The following PI4KA variants were observed in gnomAD, a reference collection of about 807,000 sequenced individuals.
PI4KA encodes PI4-kinase alpha.
Under a neutral mutation model 271.4 loss-of-function variants are expected in PI4KA, and 122 were observed. That is an observed-to-expected ratio of 0.45 (90% CI 0.39 to 0.52). The LOEUF (loss-of-function observed/expected upper bound fraction) is 0.52. PI4KA is among the 20% of genes least tolerant of loss of function. PI4KA has a pLI of 0.00. For missense variants in PI4KA, 1,969 were observed against 2,769.1 expected, an observed-to-expected ratio of 0.71 and a Z score of 6.48; for synonymous variants, 1,041 against 1,078.8, an observed-to-expected ratio of 0.96 and a Z score of 0.69.
chr22:20,834,411 A>C (rs943954106), intron 3 of PI4KA, 151 bp downstream of exon 3: 2 of 655,378 alleles, frequency 3.1e-6, no homozygotes, highest in South Asian at 1.9e-5. Context: ...CATGGATGTA[A>C]GCTCAGCCCA....
At position 20,804,375 on chromosome 22, in the gene PI4KA, T is replaced by C. The variant is rs376534020; in HGVS notation, c.1386A>G (p.Leu462=). The C allele has an allele frequency of 2.2e-5, 35 of 1,613,920 alleles. No individual in the cohort carries two copies. Among genetic ancestry groups the C allele is most frequent in the Middle Eastern group, 1.6e-4 (1 of 6,062 alleles). Residue 462 remains leucine (L), a synonymous_variant, in exon 12 of 55, where the codon CTA becomes CTG. Transcript: ENST00000255882. ...ACGTCTTGGACTGCAGCTTCTCAGA[T>C]AGCTTGATGCAAAGGTTTTCTGCAC... The part of the protein sequence containing the change: ...EQGAENLCIK[L]SEKLQSKTSS...
At chr22:20,726,183 A>T in intron 42 of PI4KA, 1 of 307,154 alleles carries the variant, frequency 3.3e-6, no homozygotes, top group Non-Finnish European at 6.0e-6. Flanking sequence ...GGCAGGATTC[A>T]GGGATTTGAG....
intron 3 of PI4KA, among the ~76,000 whole-genome samples, chr22:20,830,610 GT>G: frequency 6.6e-6 from 1 of 152,176 alleles, no homozygotes; most frequent in East Asian, 1.9e-4. Context: ...TTGCCACAAT[GT>G]GTCTTTTAAA....
chr22:20,807,641 G>A (rs1449511010), intron 9 of PI4KA, among the ~76,000 whole-genome samples, 183 bp from the exon 10 acceptor site: 3 of 152,182 alleles, frequency 2.0e-5, no homozygotes, highest in Admixed American at 2.0e-4. Context: ...ATCAGACCAA[G>A]GAAAACAGGA....
At chr22:20,791,103 C>T (rs975855815) in intron 19 of PI4KA, among the ~76,000 whole-genome samples, 3 of 152,168 alleles carry the variant, frequency 2.0e-5, no homozygotes, top group Non-Finnish European at 4.4e-5. Context: ...TTTCAACCAA[C>T]CTCACCACTC....
chr22:20,770,628 AC>A (rs1212301668), intron 19 of PI4KA, among the ~76,000 whole-genome samples: 1 of 131,090 alleles, frequency 7.6e-6, no homozygotes, highest in Non-Finnish European at 1.6e-5. Flanking sequence ...ACACACACAC[AC>A]ACAAGCTGGA....
intron 36 of PI4KA, 67 bp from the exon 37 acceptor site, chr22:20,730,078 C>G (rs1475833411): frequency 1.3e-5 from 21 of 1,574,412 alleles, no homozygotes; most frequent in Admixed American, 8.7e-5. Context: ...AAAAAATAAA[C>G]TACTATTCAC....
At chr22:20,760,679 T>C (rs1014933426) in intron 23 of PI4KA, among the ~76,000 whole-genome samples, 3 of 152,174 alleles carry the variant, frequency 2.0e-5, no homozygotes, top group Non-Finnish European at 2.9e-5. Context: ...CTCTCCTTTT[T>C]ATTCTTATCT....
chr22:20,781,810 G>C (rs1245002483), intron 19 of PI4KA, among the ~76,000 whole-genome samples: 3 of 152,190 alleles, frequency 2.0e-5, no homozygotes, highest in Non-Finnish European at 4.4e-5. Context: ...CTAAGCGCTG[G>C]TTTCACCACT....
intron 23 of PI4KA, among the ~76,000 whole-genome samples, chr22:20,757,140 G>A (rs533963269): frequency 6.6e-6 from 1 of 152,262 alleles, no homozygotes; most frequent in Admixed American, 6.5e-5. Flanking sequence ...GGGGCTGCTA[G>A]ATATTTCATA....
At chr22:20,834,230 G>GT (rs1187610677) in intron 3 of PI4KA, among the ~76,000 whole-genome samples, 25 of 152,216 alleles carry the variant, frequency 1.6e-4, no homozygotes, top group African/African-American at 5.8e-4. Flanking sequence ...AATTCTAAGG[G>GT]TAACAGTGAC....
At chr22:20,844,514 C>T (rs1223902814) in intron 1 of PI4KA, among the ~76,000 whole-genome samples, 1 of 152,166 alleles carries the variant, frequency 6.6e-6, no homozygotes, top group Non-Finnish European at 1.5e-5. Flanking sequence ...TACAATCCAG[C>T]AGGAGTTACA....
intron 19 of PI4KA, chr22:20,784,077 T>G (rs199641999): frequency 6.2e-7 from 1 of 1,614,090 alleles, no homozygotes; most frequent in African/African-American, 1.3e-5. Flanking sequence ...AAGGGGAACT[T>G]CCTCGCAGCA....
At chr22:20,783,399 C>A (rs1186318856) in intron 19 of PI4KA, among the ~76,000 whole-genome samples, 3 of 149,026 alleles carry the variant, frequency 2.0e-5, no homozygotes, top group Non-Finnish European at 4.4e-5. Context: ...GGGTTTGAGA[C>A]CAGCCTAGGT....
chr22:20,832,882 G>A (rs1924375299), intron 3 of PI4KA, among the ~76,000 whole-genome samples: 2 of 152,122 alleles, frequency 1.3e-5, no homozygotes, highest in African/African-American at 2.4e-5. Context: ...TCCATATTCT[G>A]AATTCTATTT....
In PI4KA at chr22:20,834,783, A is replaced by G. The variant is rs114237069; in HGVS notation, c.274-128T>C. ...ATCATCTCAGAGATTCTCCAGGGAT[A>G]ATGTAAAGTGCATGTAAATTCACAT... On this transcript the variant is annotated intron_variant, in intron 2 of 54. Coordinates refer to ENST00000255882, the MANE Select transcript of PI4KA (RefSeq NM_058004.4). 81 of 635,494 alleles carry G rather than the reference A, an allele frequency of 1.3e-4. 1 individual carries two copies. In the African/African-American group the frequency reaches 1.4e-3, roughly 11 times the overall value. The allele number at this position is 635,494 out of a possible 1,614,324, so 39.4% of individuals were successfully genotyped here. A position where few individuals can be genotyped will look rare whatever the true frequency, so the allele number is the denominator to read the frequency against.
In PI4KA at chr22:20,727,260, G is replaced by A. The variant is rs746070245; in HGVS notation, c.4911C>T (p.Tyr1637=). Residue 1637 remains tyrosine (Y), a synonymous_variant, in exon 41 of 55, where the codon TAC becomes TAT. Coordinates refer to ENST00000255882, the MANE Select transcript of PI4KA (RefSeq NM_058004.4). ...MYPPHPLTAQ[Y]GVKVLRSFPP... ...GGAAGGACCGCAGGACTTTCACCCC[G>A]TACTGCGCCGTGAGAGGGTGCGGCG... is the stretch of plus-strand genomic sequence containing the variant. 5 of 1,613,232 alleles carry A rather than the reference G, an allele frequency of 3.1e-6. No individual in the cohort carries two copies. Among genetic ancestry groups the A allele is most frequent in the East Asian group, 2.2e-5 (1 of 44,874 alleles).
At position 20,765,064 on chromosome 22, in the gene PI4KA, C is replaced by T. The variant is rs1417598700; in HGVS notation, c.2574+36G>A. 2.5e-6 allele frequency: 4 copies of T among 1,597,960 alleles called. No individual in the cohort carries two copies. The Admixed American group carries it at 6.8e-5, about 27-fold the overall frequency. On this transcript the variant is annotated intron_variant, in intron 21 of 54. Transcript: ENST00000255882. ...GTGAAAAGATCTGCCCTAATTGGCA[C>T]AGAGAGCATGGTAAAAATGAGATGT...
At chr22:20,746,058 AG>A (rs1568981712) in intron 29 of PI4KA, among the ~76,000 whole-genome samples, 147 of 107,314 alleles carry the variant, frequency 1.4e-3, no homozygotes, top group Middle Eastern at 0.016. Flanking sequence ...AAAAAAAAAA[AG>A]AATTTTTTTT....
Sources: gnomAD v4.1 joint callset for allele counts (sites outside exome capture counted in the v4.1 genomes callset) on GRCh38, gnomAD v4.1.1 for gene constraint, MANE v1.5 for transcripts, NCBI Gene and HGNC (gene_info 2026-07-23, HGNC 2026-07-21) for gene names.